RSPH6A: variants seen among roughly 807,000 people sequenced by gnomAD.
RSPH6A encodes the protein radial spoke head 6 homolog A.
A neutral mutation model predicts 66.1 loss-of-function variants in RSPH6A; 49 were observed. The ratio of observed to expected loss-of-function variants is 0.74; its 90% CI spans 0.59 to 0.94. The LOEUF (loss-of-function observed/expected upper bound fraction) is 0.94, where lower values mean the gene tolerates loss of function less well. RSPH6A is among the 40% of genes least tolerant of loss of function. The pLI is 0.00. For synonymous variants in RSPH6A, 419 were observed against 402.4 expected (o/e 1.04, Z -0.49); for missense variants, 977 against 948.3 (o/e 1.03, Z -0.40).
In RSPH6A at chr19:45,814,757, C is replaced by A; in HGVS notation, c.420G>T (p.Glu140Asp). 1.2e-6 allele frequency: 2 copies of A among 1,613,766 alleles called. No individual in the cohort carries two copies. The highest frequency in any genetic ancestry group is 1.7e-6 in the Non-Finnish European group (2 of 1,179,840). The part of the protein sequence containing the change: ...LFQQLDPTFQ[E>D]PPVNPLGQFN... ...ACTGGCCCAAGGGGTTGACTGGGGG[C>A]TCCTGGAAGGTGGGGTCCAGTTGCT... Residue 140 changes from glutamate (E) to aspartate (D), a missense_variant, in exon 1 of 6, where the codon GAG (glutamate) becomes GAT (aspartate). Transcript: ENST00000221538.
At chr19:45,802,819 C>A (rs1970489850) in intron 3 of RSPH6A, among the ~76,000 whole-genome samples, 1 of 143,390 alleles carries the variant, frequency 7.0e-6, no homozygotes, top group Non-Finnish European at 1.5e-5. Flanking sequence ...CTCATTGATT[C>A]TTTTCTTTTT....
rs59665443 is a variant in RSPH6A, at chr19:45,811,743, GTATTATTATTATTAT to G, written c.651-918_651-904del. Among the ~76,000 whole-genome samples the G allele has an allele frequency of 6.6e-3, 786 of 118,452 alleles. 6 individuals are homozygous for G. The highest frequency in any genetic ancestry group is 0.02 in the African/African-American group (654 of 33,120). The allele number at this position is 118,452 out of a possible 152,430, so 77.7% of individuals were successfully genotyped here. Reference sequence around the variant, plus strand: ...GAGCCACCGCACCTGGCCAACATTTGTATTATTATTATTATTATTATTATTATTATTATTATTATT... The same window carrying G: ...GAGCCACCGCACCTGGCCAACATTTGTATTATTATTATTATTATTATTATT... On this transcript the variant is annotated intron_variant, in intron 1 of 5. Transcript: ENST00000221538.
At chr19:45,798,565 G>A (rs1379495654) in intron 5 of RSPH6A, among the ~76,000 whole-genome samples, 16 of 137,194 alleles carry the variant, frequency 1.2e-4, no homozygotes, top group Admixed American at 3.0e-4. Flanking sequence ...AAGGCCAGGC[G>A]CGGTGGCTCA....
intron 1 of RSPH6A, among the ~76,000 whole-genome samples, chr19:45,813,753 G>C (rs76934133): frequency 8.5e-4 from 129 of 152,314 alleles, no homozygotes; most frequent in African/African-American, 3.0e-3. Flanking sequence ...CACTCTCCTA[G>C]AATGAGAGCA....
chr19:45,802,148 T>TG lies in RSPH6A; in HGVS notation c.1769dup (p.Leu591ThrfsTer52). On this transcript the variant is annotated frameshift_variant, in exon 4 of 6. Coordinates refer to ENST00000221538, the MANE Select transcript of RSPH6A (RefSeq NM_030785.4). LOFTEE classifies it high-confidence loss of function. ...CATCTTCTGAAAGTGGCGTTAGCAGTGGGGGGCCAACCTCCTGCTCCACCT... is the reference window on the plus strand; with the variant it reads ...CATCTTCTGAAAGTGGCGTTAGCAGTGGGGGGGCCAACCTCCTGCTCCACCT... 1.9e-6 allele frequency: 3 copies of TG among 1,553,092 alleles called. No homozygotes were observed. Among genetic ancestry groups the TG allele is most frequent in the Non-Finnish European group, 2.6e-6 (3 of 1,144,156 alleles).
chr19:45,815,022 C>G lies in RSPH6A; in HGVS notation c.155G>C (p.Arg52Pro). ...CCTCTGTGACCAACCAGGGGCGTTT[C>G]GCTGGGCGTCTGGAGGTATCTGCTG... Reference protein sequence around the residue: ...ERQQIPPDAQRNAPGWSQRGS... With the variant: ...ERQQIPPDAQPNAPGWSQRGS... Residue 52 changes from arginine (R) to proline (P), a missense_variant, in exon 1 of 6, where the codon CGA (arginine) becomes CCA (proline). Physicochemically the swap from Arg to Pro is moderately radical, Grantham distance 103. Coordinates refer to ENST00000221538, the MANE Select transcript of RSPH6A (RefSeq NM_030785.4). The G allele has an allele frequency of 6.2e-7, 1 of 1,613,742 alleles. No individual in the cohort carries two copies. The highest frequency in any genetic ancestry group is 8.5e-7 in the Non-Finnish European group (1 of 1,180,030).
At chr19:45,814,472 TG>T in intron 1 of RSPH6A, 54 bp downstream of exon 1, 9 of 1,436,578 alleles carry the variant, frequency 6.3e-6, no homozygotes, top group Non-Finnish European at 4.6e-6. Flanking sequence ...GCACTTCGGG[TG>T]GGGCCCCTCC....
At chr19:45,799,316 G>A (rs1338069501) in intron 5 of RSPH6A, among the ~76,000 whole-genome samples, 3 of 152,210 alleles carry the variant, frequency 2.0e-5, no homozygotes, top group Non-Finnish European at 4.4e-5. Context: ...AGGACTGTGG[G>A]GAGTGTGTAG....
Position 45,804,198 on chromosome 19 carries a change from T to A in RSPH6A, c.1653+54A>T, listed in dbSNP as rs761971266. Reference sequence around the variant, plus strand: ...GCTTGATGTCAGTATTGCAGGGTCATGCGTGAGCCCCCTGCTCCTGCCGTT... The same window carrying A: ...GCTTGATGTCAGTATTGCAGGGTCAAGCGTGAGCCCCCTGCTCCTGCCGTT... On this transcript the variant is annotated intron_variant, in intron 3 of 5. Coordinates refer to ENST00000221538, the MANE Select transcript of RSPH6A (RefSeq NM_030785.4). This position sits in a 1 kb window ranked among gnomAD's most constrained non-coding sequence, Gnocchi z 5.8. 1.5e-5 allele frequency: 22 copies of A among 1,436,244 alleles called. No homozygotes were observed. Among genetic ancestry groups the A allele is most frequent in the Non-Finnish European group, 2.0e-5 (21 of 1,045,104 alleles). The allele number at this position is 1,436,244 out of a possible 1,614,324, so 89.0% of individuals were successfully genotyped here. A position where few individuals can be genotyped will look rare whatever the true frequency, so the allele number is the denominator to read the frequency against.
In RSPH6A at chr19:45,796,061, G is replaced by C; in HGVS notation, c.1962C>G (p.Pro654=). 6.2e-7 allele frequency: 1 copy of C among 1,608,340 alleles called. No homozygotes were observed. Among genetic ancestry groups the C allele is most frequent in the Non-Finnish European group, 8.5e-7 (1 of 1,175,658 alleles). ...CTGGCAGGGCCGGGTTGAAGCTCTCGGGGCTGTACTTGTGACCCCAGCCGA... is the reference window on the plus strand; with the variant it reads ...CTGGCAGGGCCGGGTTGAAGCTCTCCGGGCTGTACTTGTGACCCCAGCCGA... The part of the protein sequence containing the change: ...IYIGWGHKYS[P]ESFNPALPAP... The change falls in exon 6 of 6, where the codon CCC becomes CCG. Residue 654 remains proline, a synonymous_variant. Coordinates refer to ENST00000221538, the MANE Select transcript of RSPH6A (RefSeq NM_030785.4).
chr19:45,805,843 A>AT (rs1306392769), intron 2 of RSPH6A, among the ~76,000 whole-genome samples: 1 of 152,002 alleles, frequency 6.6e-6, no homozygotes. Flanking sequence ...CTAGGAGAAA[A>AT]TTTTTCTTGC....
intron 1 of RSPH6A, 58 bp downstream of exon 1, chr19:45,814,469 G>T: frequency 7.0e-7 from 1 of 1,434,898 alleles, no homozygotes. Flanking sequence ...CAGGCACTTC[G>T]GGTGGGGCCC....
In RSPH6A at chr19:45,804,561, C is replaced by G. The variant is rs749953529; in HGVS notation, c.1344G>C (p.Gln448His). 4.3e-6 allele frequency: 7 copies of G among 1,614,082 alleles called. No individual in the cohort carries two copies. The highest frequency in any genetic ancestry group is 1.6e-4 in the Middle Eastern group (1 of 6,084). The change falls in exon 3 of 6, where the codon CAG (glutamine) becomes CAC (histidine). Residue 448 changes from glutamine (Q) to histidine (H), a missense_variant. Transcript: ENST00000221538. The surrounding 1 kb of genome is among the most constrained non-coding windows in gnomAD (Gnocchi z 5.8). The stretch of plus-strand genomic sequence containing the variant: ...TCTTGATCTTTCGGGCGTTCACGAT[C>G]TGGGCTGGAGTGACGTGGGGCAGCC... ...WTRLPHVTPA[Q>H]IVNARKIKKF...
intron 1 of RSPH6A, among the ~76,000 whole-genome samples, chr19:45,814,047 T>C (rs1221805815): frequency 6.6e-6 from 1 of 152,040 alleles, no homozygotes; most frequent in African/African-American, 2.4e-5. Context: ...TAACCCCAAC[T>C]ACTCGGGAGG....
At chr19:45,798,086 C>G (rs1231878291) in intron 5 of RSPH6A, among the ~76,000 whole-genome samples, 1 of 152,020 alleles carries the variant, frequency 6.6e-6, no homozygotes, top group Non-Finnish European at 1.5e-5. Context: ...GAGAGCCAAG[C>G]ATGGTGGCCC....
chr19:45,800,950 A>C (rs1300082321), intron 4 of RSPH6A, among the ~76,000 whole-genome samples: 1 of 151,962 alleles, frequency 6.6e-6, no homozygotes, highest in Non-Finnish European at 1.5e-5. Context: ...GGCATGCACC[A>C]CCACGCCCGG....
At position 45,795,891 on chromosome 19, in the gene RSPH6A, T is replaced by TCCTCCTCCTCCTCGC. The variant is rs769841369; in HGVS notation, c.2117_2131dup (p.Gly706_Glu710dup). 6.9e-4 allele frequency: 875 copies of TCCTCCTCCTCCTCGC among 1,268,088 alleles called. No individual in the cohort carries two copies. The highest frequency in any genetic ancestry group is 2.8e-3 in the Admixed American group (120 of 43,450). The allele number at this position is 1,268,088 out of a possible 1,614,324, so 78.6% of individuals were successfully genotyped here. ...GCCTCAGTCATCTGTCTCCTCGCCC[T>TCCTCCTCCTCCTCGC]CCTCCTCCTCCTCGCCCTCCTCCTC... On this transcript the variant is annotated inframe_insertion, in exon 6 of 6. Coordinates refer to ENST00000221538, the MANE Select transcript of RSPH6A (RefSeq NM_030785.4).
At chr19:45,811,743 G>T (rs1970630559) in intron 1 of RSPH6A, among the ~76,000 whole-genome samples, 1 of 118,488 alleles carries the variant, frequency 8.4e-6, no homozygotes, top group Admixed American at 9.6e-5. Flanking sequence ...GCCAACATTT[G>T]TATTATTATT....
Position 45,802,162 on chromosome 19 carries a change from C to T in RSPH6A, c.1756G>A (p.Glu586Lys), listed in dbSNP as rs1310362589. The change falls in exon 4 of 6, where the codon GAG becomes AAG. Residue 586 changes from glutamate to lysine, a missense_variant. Glu to Lys is a moderately conservative substitution (Grantham distance 56). Coordinates refer to ENST00000221538, the MANE Select transcript of RSPH6A (RefSeq NM_030785.4). Reference protein sequence around the residue: ...ADEGPEEVEQEVGPPLLTPLS... With the variant: ...ADEGPEEVEQKVGPPLLTPLS... Reference sequence around the variant, plus strand: ...GGCGTTAGCAGTGGGGGGCCAACCTCCTGCTCCACCTCCTCTGGCCCCTCA... The same window carrying T: ...GGCGTTAGCAGTGGGGGGCCAACCTTCTGCTCCACCTCCTCTGGCCCCTCA... The T allele has an allele frequency of 1.2e-5, 18 of 1,562,784 alleles. No homozygotes were observed. Among genetic ancestry groups the T allele is most frequent in the South Asian group, 8.3e-5 (7 of 84,768 alleles).
Sources: allele counts gnomAD v4.1 joint callset (sites outside exome capture counted in the v4.1 genomes callset), GRCh38; gene constraint gnomAD v4.1.1; non-coding constraint Gnocchi (gnomAD v3.1); transcripts MANE v1.5; gene names NCBI Gene and HGNC (gene_info 2026-07-23, HGNC 2026-07-21).